SHOC1: variants seen among roughly 807,000 people sequenced by gnomAD.
The protein encoded by SHOC1 is protein shortage in chiasmata 1 ortholog.
Under a neutral mutation model 179.2 loss-of-function variants are expected in SHOC1, and 136 were observed. The observed-to-expected ratio is 0.76, with a 90% CI of 0.66 to 0.87. SHOC1 has a LOEUF of 0.87. Among genes scored for constraint, SHOC1 ranks in the 40% least tolerant of loss-of-function variants. The probability of loss-of-function intolerance (pLI) is 0.00; values close to 1 mark genes in which losing one functional copy is unlikely to be tolerated. For synonymous variants in SHOC1, 489 were observed against 586.6 expected, an observed-to-expected ratio of 0.83 and a Z score of 2.41; for missense variants, 1,538 against 1,700.8, an observed-to-expected ratio of 0.90 and a Z score of 1.68.
At position 111,699,981 on chromosome 9, in the gene SHOC1, C is replaced by A. The variant is rs1015903949; in HGVS notation, c.3156G>T (p.Gly1052=). The change falls in exon 24 of 28, where the codon GGG becomes GGT. Residue 1052 remains glycine, a synonymous_variant. Transcript: ENST00000682961. ...ALIYAALVSF[G]LNSEELDVKL... is the part of the protein sequence containing the mutation. Reference sequence around the variant, plus strand: ...TTACATCCAGTTCTTCAGAGTTTAGCCCAAATGAAACCAAAGCTGCATAAA... The same window carrying A: ...TTACATCCAGTTCTTCAGAGTTTAGACCAAATGAAACCAAAGCTGCATAAA... The A allele has an allele frequency of 6.8e-6, 11 of 1,607,890 alleles. No individual in the cohort carries two copies. The highest frequency in any genetic ancestry group is 8.5e-6 in the Non-Finnish European group (10 of 1,176,526).
rs772473465 is a variant in SHOC1 at position 111,758,696 on chromosome 9, TG to T, written c.594del (p.Arg199GlyfsTer14). 1 of 1,572,808 alleles carries T rather than the reference TG, an allele frequency of 6.4e-7. No homozygotes were observed. Among genetic ancestry groups the T allele is most frequent in the South Asian group, 1.2e-5 (1 of 83,876 alleles). On this transcript the variant is annotated frameshift_variant and splice_region_variant, in exon 6 of 28. Transcript: ENST00000682961. LOFTEE classifies it high-confidence loss of function. Reference sequence around the variant, plus strand: ...AGCATTGGTCAATTAAGTAAGTACCTGGAAAAATTAGCTTCTGTGAAGATCT... The same window carrying T: ...AGCATTGGTCAATTAAGTAAGTACCTGAAAAATTAGCTTCTGTGAAGATCT... The part of the protein sequence containing the change: ...KGQIFTEANF[S>X]RECFSLQETL...
intron 3 of SHOC1, among the ~76,000 whole-genome samples, chr9:111,784,577 A>G (rs573038823): frequency 1.5e-4 from 23 of 152,342 alleles, no homozygotes; most frequent in Admixed American, 4.6e-4. Context: ...TTTCTACAGC[A>G]TAAATCAGGT....
chr9:111,738,968 G>A (rs761338206), intron 11 of SHOC1, among the ~76,000 whole-genome samples: 57 of 151,942 alleles, frequency 3.8e-4, no homozygotes, highest in Non-Finnish European at 5.7e-4. Flanking sequence ...GTGGTACAGC[G>A]CTTACTGCCT....
chr9:111,709,535 C>T (rs1832436776), intron 18 of SHOC1, among the ~76,000 whole-genome samples: 1 of 151,944 alleles, frequency 6.6e-6, no homozygotes, highest in Non-Finnish European at 1.5e-5. Context: ...AAGATAATTG[C>T]CGTTCTGAAA....
rs1833893054 is a variant in SHOC1, at chr9:111,738,279, C to G, written c.1417+1G>C. The G allele has an allele frequency of 1.2e-6, 2 of 1,604,308 alleles. No homozygotes were observed. Reference sequence around the variant, plus strand: ...ACTAATATTTACTGTGATGTACTTACATTCTAATTGAAGCACTTTCGTAGG... The same window carrying G: ...ACTAATATTTACTGTGATGTACTTAGATTCTAATTGAAGCACTTTCGTAGG... On this transcript the variant is annotated splice_donor_variant, in intron 12 of 27. Transcript: ENST00000682961. LOFTEE classifies it high-confidence loss of function.
intron 3 of SHOC1, among the ~76,000 whole-genome samples, chr9:111,784,701 CAT>C (rs1439966530): frequency 6.6e-6 from 1 of 152,084 alleles, no homozygotes; most frequent in African/African-American, 2.4e-5. Context: ...AAACAACAAA[CAT>C]TCATTTCTCA....
At chr9:111,784,052 T>C (rs399814) in intron 3 of SHOC1, among the ~76,000 whole-genome samples, 122,596 of 152,088 alleles carry the variant, frequency 0.81, 49,590 homozygotes, top group East Asian at 0.92. Flanking sequence ...GGCCAGCTCC[T>C]CCTTTATCTC....
At chr9:111,772,218 C>T (rs752300461) in intron 5 of SHOC1, among the ~76,000 whole-genome samples, 3 of 152,024 alleles carry the variant, frequency 2.0e-5, no homozygotes, top group East Asian at 1.9e-4. Flanking sequence ...GCTCAGCAAA[C>T]GTATTTCTCA....
chr9:111,774,070 C>A (rs938353628), intron 5 of SHOC1, among the ~76,000 whole-genome samples: 3 of 152,102 alleles, frequency 2.0e-5, no homozygotes, highest in African/African-American at 7.2e-5. Context: ...AGCATATTTT[C>A]TCTCAGTCAA....
chr9:111,727,911 A>G lies in SHOC1; in HGVS notation c.1556T>C (p.Phe519Ser), dbSNP rs755026514. 4.3e-6 allele frequency: 7 copies of G among 1,613,372 alleles called. No individual in the cohort carries two copies. In the Admixed American group the frequency reaches 1.2e-4, roughly 27 times the overall value. ...TTCTTTTGCTGCTCCTTTATCAGAG[A>G]AATAGTCATCAGAAAAACATAGATC... Reference protein sequence around the residue: ...VPDLCFSDDYFSDKGAAKEEK... With the variant: ...VPDLCFSDDYSSDKGAAKEEK... Residue 519 changes from phenylalanine to serine, a missense_variant, in exon 13 of 28, where the codon TTC becomes TCC. Coordinates refer to ENST00000682961, the MANE Select transcript of SHOC1 (RefSeq NM_001378211.1).
chr9:111,751,504 A>G (rs1169204041), intron 8 of SHOC1, among the ~76,000 whole-genome samples: 1 of 152,110 alleles, frequency 6.6e-6, no homozygotes, highest in Non-Finnish European at 1.5e-5. Context: ...TTTATAATAC[A>G]TGTATTTCAA....
rs775225359 is a variant in SHOC1, at chr9:111,748,145, G to A, written c.917C>T (p.Thr306Ile). 11 of 1,613,710 alleles carry A rather than the reference G, an allele frequency of 6.8e-6. No homozygotes were observed. Among genetic ancestry groups the A allele is most frequent in the Non-Finnish European group, 9.3e-6 (11 of 1,179,886 alleles). Residue 306 changes from threonine to isoleucine, a missense_variant, in exon 9 of 28, where the codon ACA (threonine) becomes ATA (isoleucine). Thr to Ile is a moderately conservative substitution (Grantham distance 89). Transcript: ENST00000682961. ...EDIGDIKFSS[T>I]EILTIQSQSE... ...CTGGCTTTGAATGGTCAAAATCTCT[G>A]TGGAGCTGAATTTTATATCCCCGAT... is the stretch of plus-strand genomic sequence containing the variant.
chr9:111,762,717 A>G (rs536414848), intron 5 of SHOC1, among the ~76,000 whole-genome samples: 24 of 152,306 alleles, frequency 1.6e-4, no homozygotes, highest in African/African-American at 5.8e-4. Context: ...ATCTTCCTCA[A>G]CCCACTAAAG....
At chr9:111,693,049 T>C (rs1213150559) in intron 26 of SHOC1, among the ~76,000 whole-genome samples, 1 of 152,228 alleles carries the variant, frequency 6.6e-6, no homozygotes, top group Non-Finnish European at 1.5e-5. Context: ...CTCATGCCTG[T>C]AATCCTAGCA....
chr9:111,775,801 G>T lies in SHOC1; in HGVS notation c.432C>A (p.Asn144Lys), dbSNP rs1162040522. Reference protein sequence around the residue: ...SCLEKCSALQNQNQDLFIDDK... With the variant: ...SCLEKCSALQKQNQDLFIDDK... ...AAATAAACGTTTTACCTTGGTTCTGGTTTTGAAGTGCTGAACATTTTTCTA... is the reference window on the plus strand; with the variant it reads ...AAATAAACGTTTTACCTTGGTTCTGTTTTTGAAGTGCTGAACATTTTTCTA... Residue 144 changes from asparagine to lysine, a missense_variant, in exon 5 of 28, where the codon AAC becomes AAA. Physicochemically the swap from Asn to Lys is moderately conservative, Grantham distance 94. Coordinates refer to ENST00000682961, the MANE Select transcript of SHOC1 (RefSeq NM_001378211.1). 3 of 1,605,910 alleles carry T rather than the reference G, an allele frequency of 1.9e-6. No homozygotes were observed. The highest frequency in any genetic ancestry group is 2.5e-6 in the Non-Finnish European group (3 of 1,177,572).
At chr9:111,771,976 G>A (rs953260062) in intron 5 of SHOC1, among the ~76,000 whole-genome samples, 1 of 151,940 alleles carries the variant, frequency 6.6e-6, no homozygotes, top group Non-Finnish European at 1.5e-5. Flanking sequence ...GGAAAATTTT[G>A]TATTTTTTCT....
rs1327500159 is a variant in SHOC1, at chr9:111,746,312, A to G, written c.1001T>C (p.Phe334Ser). The G allele has an allele frequency of 9.3e-6, 15 of 1,611,090 alleles. No homozygotes were observed. The highest frequency in any genetic ancestry group is 1.3e-5 in the Non-Finnish European group (15 of 1,177,494). The part of the protein sequence containing the change: ...GELEMPLTPL[F>S]LTCQHSSVNS... ...CACTGAAGAATGTTGGCATGTTAGG[A>G]ATAGAGGAGTTAGTGGCATTTCTAA... Residue 334 changes from phenylalanine (F) to serine (S), a missense_variant, in exon 10 of 28, where the codon TTC becomes TCC. Physicochemically the swap from Phe to Ser is radical, Grantham distance 155. Coordinates refer to ENST00000682961, the MANE Select transcript of SHOC1 (RefSeq NM_001378211.1).
chr9:111,696,255 T>C (rs1306615096), intron 24 of SHOC1, among the ~76,000 whole-genome samples: 2 of 152,222 alleles, frequency 1.3e-5, no homozygotes, highest in Non-Finnish European at 2.9e-5. Flanking sequence ...AACTTCCTAA[T>C]ACTTCCTTGA....
chr9:111,713,205 G>C (rs1427128219), intron 17 of SHOC1, 33 bp from the exon 18 acceptor site: 1 of 1,161,760 alleles, frequency 8.6e-7, no homozygotes, highest in Admixed American at 2.2e-5. Context: ...TATATATGTG[G>C]ATGATTATTC....
Sources: gnomAD v4.1 joint callset for allele counts (sites outside exome capture counted in the v4.1 genomes callset) on GRCh38, gnomAD v4.1.1 for gene constraint, MANE v1.5 for transcripts, NCBI Gene and HGNC (gene_info 2026-07-23, HGNC 2026-07-21) for gene names.